The following TNFRSF8 variants were observed in gnomAD, a reference collection of about 807,000 sequenced individuals.
TNFRSF8 encodes TNF receptor superfamily member 8.
In TNFRSF8, 26 loss-of-function variants were observed where a neutral mutation model predicts 70.8. That is an observed-to-expected ratio of 0.37 (90% CI 0.27 to 0.51). The LOEUF (loss-of-function observed/expected upper bound fraction) is 0.51. Ranked by LOEUF, TNFRSF8 falls within the 20% of genes least tolerant of loss-of-function variation. The pLI is 0.94. For missense variants in TNFRSF8, 720 were observed against 807.9 expected, an observed-to-expected ratio of 0.89 and a Z score of 1.32; for synonymous variants, 356 against 339.2, an observed-to-expected ratio of 1.05 and a Z score of -0.54.
chr1:12,063,756 G>A lies in TNFRSF8; in HGVS notation c.63+95G>A. 1 of 1,154,826 alleles carries A rather than the reference G, an allele frequency of 8.7e-7. No homozygotes were observed. Among genetic ancestry groups the A allele is most frequent in the Non-Finnish European group, 1.1e-6 (1 of 909,206 alleles). 71.5% of individuals were successfully genotyped at this position (1,154,826 alleles called of 1,614,324 possible). On this transcript the variant is annotated intron_variant, in intron 1 of 14. Transcript: ENST00000263932. This position sits in a 1 kb window ranked among gnomAD's most constrained non-coding sequence, Gnocchi z 7.2. Reference sequence around the variant, plus strand: ...CGCAAGGGAGGACACTCCTCACCCCGTTCCCTGCCCAGCTGGAGTGAGGGG... The same window carrying A: ...CGCAAGGGAGGACACTCCTCACCCCATTCCCTGCCCAGCTGGAGTGAGGGG...
intron 6 of TNFRSF8, 107 bp from the exon 7 acceptor site, chr1:12,111,791 A>G: frequency 1.2e-6 from 1 of 848,250 alleles, no homozygotes; most frequent in Non-Finnish European, 2.0e-6. Flanking sequence ...TGACATGCGG[A>G]GTTTGGGAGC....
chr1:12,143,065 C>G lies in TNFRSF8; in HGVS notation c.*534C>G. On this transcript the variant is annotated 3_prime_UTR_variant, in exon 15 of 15. Transcript: ENST00000263932. The surrounding 1 kb of genome is among the most constrained non-coding windows in gnomAD (Gnocchi z 4.1). ...GTGCCTGTGGTTGTTTCTCCAGAGT[C>G]AAAAGGGAAGTCGAGGGATGGGGCG... 6.4e-6 allele frequency: 1 copy of G among 155,104 alleles called. No homozygotes were observed. The highest frequency in any genetic ancestry group is 1.9e-4 in the South Asian group (1 of 5,278). 9.6% of individuals were successfully genotyped at this position (155,104 alleles called of 1,614,324 possible).
At chr1:12,122,618 G>A (rs1641849875) in intron 8 of TNFRSF8, among the ~76,000 whole-genome samples, 1 of 151,880 alleles carries the variant, frequency 6.6e-6, no homozygotes, top group Admixed American at 6.6e-5. Context: ...CTGCACTCCA[G>A]TCTGGGCAGC....
At chr1:12,092,547 A>G (rs1360157552) in intron 2 of TNFRSF8, among the ~76,000 whole-genome samples, 5 of 149,212 alleles carry the variant, frequency 3.4e-5, no homozygotes, top group Non-Finnish European at 5.9e-5. Context: ...TCACTCTGTA[A>G]CCCAGGCTGG....
At chr1:12,065,487 C>G (rs1329169413) in intron 1 of TNFRSF8, among the ~76,000 whole-genome samples, 1 of 152,186 alleles carries the variant, frequency 6.6e-6, no homozygotes, top group African/African-American at 2.4e-5. Context: ...AAAGCCAAGT[C>G]TTTTGACACC....
intron 1 of TNFRSF8, among the ~76,000 whole-genome samples, chr1:12,073,331 G>T (rs1434128666): frequency 6.6e-6 from 1 of 152,112 alleles, no homozygotes. Flanking sequence ...CCTGAGGCTG[G>T]CGCAGGAACC....
chr1:12,135,247 C>T (rs961894512), intron 12 of TNFRSF8, among the ~76,000 whole-genome samples: 2 of 138,024 alleles, frequency 1.4e-5, no homozygotes, highest in African/African-American at 2.8e-5. Flanking sequence ...ACCCAGGAGG[C>T]GGAGGTTACA....
In TNFRSF8 at chr1:12,108,034, C is replaced by T. The variant is rs72641084; in HGVS notation, c.422-1532C>T. Reference sequence around the variant, plus strand: ...TCAGCATTGCTCGCGCTCACCTCCACGGAAAGCTTCAGAGCGAAGTCCCAC... The same window carrying T: ...TCAGCATTGCTCGCGCTCACCTCCATGGAAAGCTTCAGAGCGAAGTCCCAC... On this transcript the variant is annotated intron_variant, in intron 4 of 14. Transcript: ENST00000263932. The surrounding 1 kb of genome is among the most constrained non-coding windows in gnomAD (Gnocchi z 4.0). 0.078 allele frequency among the ~76,000 whole-genome samples: 11,753 copies of T among 151,384 alleles called. 483 individuals carry two copies. The highest frequency in any genetic ancestry group is 0.088 in the African/African-American group (3,614 of 41,244).
chr1:12,083,864 A>G (rs551859105), intron 1 of TNFRSF8, among the ~76,000 whole-genome samples: 104 of 152,350 alleles, frequency 6.8e-4, no homozygotes, highest in African/African-American at 2.4e-3. Flanking sequence ...GCGTAATTCT[A>G]CTTTATGTAA....
chr1:12,083,397 A>T (rs1238133321), intron 1 of TNFRSF8, among the ~76,000 whole-genome samples: 3 of 152,228 alleles, frequency 2.0e-5, no homozygotes, highest in Non-Finnish European at 4.4e-5. Flanking sequence ...TGGAATGTCT[A>T]TCGAGAGCAG....
At chr1:12,107,868 C>T (rs1411591763) in intron 4 of TNFRSF8, among the ~76,000 whole-genome samples, 2 of 152,124 alleles carry the variant, frequency 1.3e-5, no homozygotes, top group African/African-American at 4.8e-5. Flanking sequence ...CTCACGTCTC[C>T]ATAAGACAGA....
chr1:12,123,662 C>T, intron 9 of TNFRSF8, 53 bp from the exon 10 acceptor site: 1 of 1,428,282 alleles, frequency 7.0e-7, no homozygotes, highest in African/African-American at 1.4e-5. Flanking sequence ...TTCCTGAAGA[C>T]CCACTTCCCT....
chr1:12,141,662 G>A lies in TNFRSF8; in HGVS notation c.1544-625G>A, dbSNP rs1451389412. Reference sequence around the variant, plus strand: ...GGACCGAGGGGACTCCCAGGACACGGGACTTGCAGTAGTAGAACCAGGAAT... The same window carrying A: ...GGACCGAGGGGACTCCCAGGACACGAGACTTGCAGTAGTAGAACCAGGAAT... On this transcript the variant is annotated intron_variant, in intron 14 of 14. Coordinates refer to ENST00000263932, the MANE Select transcript of TNFRSF8 (RefSeq NM_001243.5). This position sits in a 1 kb window ranked among gnomAD's most constrained non-coding sequence, Gnocchi z 5.4. Among the ~76,000 whole-genome samples, 1 of 152,230 alleles carries A rather than the reference G, an allele frequency of 6.6e-6. No individual in the cohort carries two copies. Among genetic ancestry groups the A allele is most frequent in the Non-Finnish European group, 1.5e-5 (1 of 68,040 alleles).
At chr1:12,097,364 T>C (rs1466607698) in intron 3 of TNFRSF8, 147 bp downstream of exon 3, 5 of 584,098 alleles carry the variant, frequency 8.6e-6, no homozygotes, top group Non-Finnish European at 1.6e-5. Context: ...TTTACCTCTC[T>C]GCATTTGTGA....
In TNFRSF8 at chr1:12,138,140, A is replaced by G. The variant is rs768081267; in HGVS notation, c.1336-89A>G. 4 of 1,367,572 alleles carry G rather than the reference A, an allele frequency of 2.9e-6. No individual in the cohort carries two copies. The East Asian group carries it at 9.4e-5, about 32-fold the overall frequency. The allele number at this position is 1,367,572 out of a possible 1,614,324, so 84.7% of individuals were successfully genotyped here. ...GAAAGGGGGACTCACTGGGGTCTGTAGAGATGAAAAAAAAAAGGGGCCTCC... is the reference window on the plus strand; with the variant it reads ...GAAAGGGGGACTCACTGGGGTCTGTGGAGATGAAAAAAAAAAGGGGCCTCC... On this transcript the variant is annotated intron_variant, in intron 13 of 14. Coordinates refer to ENST00000263932, the MANE Select transcript of TNFRSF8 (RefSeq NM_001243.5). The surrounding 1 kb of genome is among the most constrained non-coding windows in gnomAD (Gnocchi z 5.7).
chr1:12,141,777 TG>T lies in TNFRSF8; in HGVS notation c.1544-508del, dbSNP rs1474687543. ...AGAAAGGGCCACCAGGCGGAGTGGG[TG>T]GTTTTTTTTTGGGGGATTTCTCCTA... On this transcript the variant is annotated intron_variant, in intron 14 of 14. Coordinates refer to ENST00000263932, the MANE Select transcript of TNFRSF8 (RefSeq NM_001243.5). The surrounding 1 kb of genome is among the most constrained non-coding windows in gnomAD (Gnocchi z 5.4). 6.6e-6 allele frequency among the ~76,000 whole-genome samples: 1 copy of T among 151,910 alleles called. No individual in the cohort carries two copies. Among genetic ancestry groups the T allele is most frequent in the Admixed American group, 6.6e-5 (1 of 15,260 alleles).
chr1:12,123,584 C>T, intron 9 of TNFRSF8, 131 bp from the exon 10 acceptor site: 1 of 959,212 alleles, frequency 1.0e-6, no homozygotes, highest in Non-Finnish European at 1.5e-6. Flanking sequence ...AAATGCCTGG[C>T]AGAGACTCGG....
At chr1:12,084,420 T>C in intron 1 of TNFRSF8, 44 bp from the exon 2 acceptor site, 2 of 1,561,576 alleles carry the variant, frequency 1.3e-6, no homozygotes, top group Non-Finnish European at 1.8e-6. Flanking sequence ...GGAGTATGGA[T>C]ATCTGGGATC....
At chr1:12,081,091 G>T (rs1486769943) in intron 1 of TNFRSF8, among the ~76,000 whole-genome samples, 1 of 152,182 alleles carries the variant, frequency 6.6e-6, no homozygotes, top group Non-Finnish European at 1.5e-5. Flanking sequence ...CCCAAGGCCA[G>T]ACTCGGGGGA....
Sources: allele counts gnomAD v4.1 joint callset (sites outside exome capture counted in the v4.1 genomes callset), GRCh38; gene constraint gnomAD v4.1.1; non-coding constraint Gnocchi (gnomAD v3.1); transcripts MANE v1.5; gene names NCBI Gene and HGNC (gene_info 2026-07-23, HGNC 2026-07-21).